NUBPL: variants seen among roughly 807,000 people sequenced by gnomAD.
The protein encoded by NUBPL is NUBP iron-sulfur cluster assembly factor, mitochondrial.
A neutral mutation model predicts 45.7 loss-of-function variants in NUBPL; 31 were observed. The ratio of observed to expected loss-of-function variants is 0.68; its 90% CI spans 0.51 to 0.92. The LOEUF is 0.92. Among genes scored for constraint, NUBPL ranks in the 40% least tolerant of loss-of-function variants. The pLI is 0.00. For missense variants in NUBPL, 401 were observed against 398.7 expected (o/e 1.01, Z -0.05); for synonymous variants, 144 against 140.9 (o/e 1.02, Z -0.15).
At chr14:31,848,949 C>G (rs2040496166) in intron 9 of NUBPL, among the ~76,000 whole-genome samples, 1 of 152,130 alleles carries the variant, frequency 6.6e-6, no homozygotes, top group East Asian at 1.9e-4. Flanking sequence ...TTTTCTATAA[C>G]ATTTTTGCTG....
intron 6 of NUBPL, among the ~76,000 whole-genome samples, chr14:31,743,795 A>G (rs1187422555): frequency 1.3e-5 from 2 of 152,152 alleles, no homozygotes; most frequent in African/African-American, 4.8e-5. Context: ...TTGAGGAACT[A>G]AAGGAGATAT....
chr14:31,705,641 A>G (rs570251512), intron 6 of NUBPL, among the ~76,000 whole-genome samples: 153 of 152,148 alleles, frequency 1.0e-3, no homozygotes, highest in African/African-American at 3.5e-3. Flanking sequence ...ACCTTTAGCT[A>G]GACACAGAGT....
chr14:31,655,824 A>G (rs1416306096), intron 4 of NUBPL, among the ~76,000 whole-genome samples: 1 of 152,226 alleles, frequency 6.6e-6, no homozygotes, highest in African/African-American at 2.4e-5. Context: ...TTGTATTTTC[A>G]AAATGGTCAG....
intron 6 of NUBPL, among the ~76,000 whole-genome samples, chr14:31,754,742 C>T (rs1252713049): frequency 6.6e-6 from 1 of 150,936 alleles, no homozygotes; most frequent in Non-Finnish European, 1.5e-5. Flanking sequence ...TACATGTGCA[C>T]AATGTGCAGG....
intron 6 of NUBPL, among the ~76,000 whole-genome samples, chr14:31,760,515 A>G (rs935109381): frequency 5.3e-5 from 8 of 151,934 alleles, no homozygotes; most frequent in African/African-American, 1.7e-4. Context: ...CTGCCATTCT[A>G]TTCCTTCTAT....
rs186783864 is a variant in NUBPL, at chr14:31,586,339, A to C, written c.292-12950A>C. The stretch of plus-strand genomic sequence containing the variant: ...TTAATACGAGAACAGAGAGAAATTA[A>C]TTCCAGTCGTTCAAAGGTAATAATT... On this transcript the variant is annotated intron_variant, in intron 3 of 10. Transcript: ENST00000281081. 2.6e-5 allele frequency among the ~76,000 whole-genome samples: 4 copies of C among 152,336 alleles called. No homozygotes were observed. In the East Asian group the frequency reaches 7.7e-4, roughly 29 times the overall value.
chr14:31,665,910 G>T (rs1036091506), intron 4 of NUBPL, among the ~76,000 whole-genome samples: 10 of 152,152 alleles, frequency 6.6e-5, no homozygotes, highest in African/African-American at 2.4e-4. Context: ...GAATCCGGGT[G>T]CTCCTGTATT....
chr14:31,820,169 A>G (rs2039993237), intron 7 of NUBPL, among the ~76,000 whole-genome samples: 1 of 151,662 alleles, frequency 6.6e-6, no homozygotes, highest in Admixed American at 6.6e-5. Context: ...AGAAAAAAAT[A>G]TTGATAGAGA....
Position 31,786,735 on chromosome 14 carries a change from C to T in NUBPL, c.514-1045C>T, listed in dbSNP as rs1344474338. Among the ~76,000 whole-genome samples, 3 of 152,034 alleles carry T rather than the reference C, an allele frequency of 2.0e-5. No homozygotes were observed. The East Asian group carries it at 5.8e-4, about 29-fold the overall frequency. On this transcript the variant is annotated intron_variant, in intron 6 of 10. Coordinates refer to ENST00000281081, the MANE Select transcript of NUBPL (RefSeq NM_025152.3). ...TTTAATGAGAGTTAGTGGAGCTTTC[C>T]CCAAAGAAATGAATTTTAAGCTGGG... is the stretch of plus-strand genomic sequence containing the variant.
At chr14:31,564,176 C>T (rs989222158) in intron 2 of NUBPL, among the ~76,000 whole-genome samples, 14 of 152,142 alleles carry the variant, frequency 9.2e-5, no homozygotes, top group Non-Finnish European at 1.5e-4. Flanking sequence ...TTACTCTTCT[C>T]GGATGTAGCA....
chr14:31,839,090 C>T (rs1409871396), intron 8 of NUBPL, among the ~76,000 whole-genome samples: 1 of 152,122 alleles, frequency 6.6e-6, no homozygotes, highest in Non-Finnish European at 1.5e-5. Flanking sequence ...TTTTTATATA[C>T]AAGTTCACAA....
chr14:31,801,855 C>T (rs1227969885), intron 7 of NUBPL, among the ~76,000 whole-genome samples: 3 of 152,156 alleles, frequency 2.0e-5, no homozygotes, highest in Non-Finnish European at 4.4e-5. Context: ...CTAGACAGTC[C>T]TAGTGTAAAT....
chr14:31,652,102 A>G (rs576045388), intron 4 of NUBPL, among the ~76,000 whole-genome samples: 57 of 152,282 alleles, frequency 3.7e-4, no homozygotes, highest in African/African-American at 1.3e-3. Context: ...TATCATATAT[A>G]TACTACTCAG....
intron 4 of NUBPL, among the ~76,000 whole-genome samples, chr14:31,601,001 T>G (rs1414752106): frequency 6.6e-6 from 1 of 152,106 alleles, no homozygotes; most frequent in Non-Finnish European, 1.5e-5. Flanking sequence ...CACCATTTAT[T>G]AAATAGGGAA....
At chr14:31,656,158 AC>A (rs1209085895) in intron 4 of NUBPL, among the ~76,000 whole-genome samples, 1 of 151,466 alleles carries the variant, frequency 6.6e-6, no homozygotes, top group African/African-American at 2.4e-5. Flanking sequence ...TATCTTCCTC[AC>A]CTCTCTCAGC....
intron 6 of NUBPL, among the ~76,000 whole-genome samples, chr14:31,781,589 C>T (rs897885977): frequency 6.6e-6 from 1 of 152,168 alleles, no homozygotes; most frequent in Non-Finnish European, 1.5e-5. Flanking sequence ...AAACCTCTTG[C>T]AATCTTACCA....
chr14:31,571,303 G>T (rs935553992), intron 3 of NUBPL, among the ~76,000 whole-genome samples: 10 of 149,448 alleles, frequency 6.7e-5, no homozygotes, highest in Non-Finnish European at 1.3e-4. Flanking sequence ...TGCACCTCTT[G>T]TTCTGTTGTT....
intron 6 of NUBPL, among the ~76,000 whole-genome samples, chr14:31,712,202 G>A (rs1325874251): frequency 6.6e-6 from 1 of 152,144 alleles, no homozygotes; most frequent in African/African-American, 2.4e-5. Context: ...AGCACTGATT[G>A]GTGCATTTAC....
chr14:31,799,770 A>C (rs2138859948), intron 7 of NUBPL, among the ~76,000 whole-genome samples: 1 of 152,252 alleles, frequency 6.6e-6, no homozygotes, highest in East Asian at 1.9e-4. Context: ...GTGGCCACTG[A>C]GTGATCAGGG....
Sources: allele counts gnomAD v4.1 joint callset (sites outside exome capture counted in the v4.1 genomes callset), GRCh38; gene constraint gnomAD v4.1.1; transcripts MANE v1.5; gene names NCBI Gene and HGNC (gene_info 2026-07-23, HGNC 2026-07-21).